TRDN: variants seen among roughly 807,000 people sequenced by gnomAD.
The protein encoded by TRDN is triadin, also known as triadin in skeletal muscle.
Under a neutral mutation model 149.7 loss-of-function variants are expected in TRDN, and 161 were observed. The observed-to-expected ratio is 1.08, with a 90% CI of 0.95 to 1.23. The LOEUF (loss-of-function observed/expected upper bound fraction) is 1.23, where lower values mean the gene tolerates loss of function less well. TRDN is among the 50% of genes most tolerant of loss of function. The probability of loss-of-function intolerance (pLI) is 0.00; values close to 1 mark genes in which losing one functional copy is unlikely to be tolerated. For missense variants in TRDN, 896 were observed against 823.5 expected, an observed-to-expected ratio of 1.09 and a Z score of -1.08; for synonymous variants, 294 against 250.5, an observed-to-expected ratio of 1.17 and a Z score of -1.64.
chr6:123,550,672 G>C (rs550043916), intron 2 of TRDN, among the ~76,000 whole-genome samples: 2 of 152,136 alleles, frequency 1.3e-5, no homozygotes, highest in Admixed American at 6.6e-5. Flanking sequence ...ATCTCATAGA[G>C]AGCGGAAAAA....
chr6:123,274,564 A>T, intron 27 of TRDN, 77 bp downstream of exon 27: 1 of 1,319,952 alleles, frequency 7.6e-7, no homozygotes. Context: ...CCCTAGTGAG[A>T]TGTAAGCCTC....
chr6:123,238,978 C>T (rs1775889082), intron 38 of TRDN, among the ~76,000 whole-genome samples: 1 of 152,078 alleles, frequency 6.6e-6, no homozygotes, highest in South Asian at 2.1e-4. Flanking sequence ...GTAGCTGGAA[C>T]TACAGGCACA....
At chr6:123,388,273 C>G (rs1219332342) in intron 14 of TRDN, among the ~76,000 whole-genome samples, 2 of 152,000 alleles carry the variant, frequency 1.3e-5, no homozygotes, top group Non-Finnish European at 2.9e-5. Context: ...AGAGTAGGAG[C>G]CCTAGGATTT....
intron 5 of TRDN, among the ~76,000 whole-genome samples, chr6:123,525,160 T>TATCTTA (rs1779882317): frequency 6.6e-6 from 1 of 151,888 alleles, no homozygotes; most frequent in African/African-American, 2.4e-5. Flanking sequence ...CTTAAAGAAG[T>TATCTTA]AAAAATAAAA....
chr6:123,322,988 T>C (rs531545354), intron 23 of TRDN, among the ~76,000 whole-genome samples: 300 of 152,250 alleles, frequency 2.0e-3, no homozygotes, highest in African/African-American at 6.8e-3. Flanking sequence ...ACAGGGAATA[T>C]GTCTTTTCAT....
chr6:123,292,698 C>A (rs191890898), intron 24 of TRDN, among the ~76,000 whole-genome samples: 1 of 152,228 alleles, frequency 6.6e-6, no homozygotes, highest in Admixed American at 6.5e-5. Flanking sequence ...TCAGGGAATA[C>A]CTAGCTGAGT....
chr6:123,381,054 G>T (rs1376655539), intron 16 of TRDN, among the ~76,000 whole-genome samples: 1 of 152,098 alleles, frequency 6.6e-6, no homozygotes, highest in Non-Finnish European at 1.5e-5. Context: ...CAACTAACCA[G>T]ATTAGGACTA....
chr6:123,474,606 A>G (rs994578862), intron 9 of TRDN, among the ~76,000 whole-genome samples: 1 of 152,270 alleles, frequency 6.6e-6, no homozygotes, highest in South Asian at 2.1e-4. Context: ...CTCCACCCCA[A>G]ATCAACAGAA....
chr6:123,264,676 A>AAAGC (rs35829652), intron 33 of TRDN, among the ~76,000 whole-genome samples: 3 of 3,980 alleles, frequency 7.5e-4, no homozygotes, highest in Admixed American at 3.8e-3. Context: ...ATCTTTTGTC[A>AAAGC]GTCAATCAAT....
At chr6:123,373,677 T>A (rs1253321755) in intron 19 of TRDN, among the ~76,000 whole-genome samples, 1 of 152,172 alleles carries the variant, frequency 6.6e-6, no homozygotes, top group African/African-American at 2.4e-5. Flanking sequence ...TTTAACCCTG[T>A]CAATCTCATC....
At chr6:123,612,048 CAA>C (rs1340062083) in intron 1 of TRDN, among the ~76,000 whole-genome samples, 1 of 151,530 alleles carries the variant, frequency 6.6e-6, no homozygotes, top group African/African-American at 2.4e-5. Flanking sequence ...TTCTACAAAA[CAA>C]AGAGTCTCTA....
At position 123,510,642 on chromosome 6, in the gene TRDN, CT is replaced by C. The variant is rs145396385; in HGVS notation, c.610+1660del. ...ATTGATCAAGATTTATGCATGACCACTTTTTTTTTTTTTTTTTTATTTAGAC... is the reference window on the plus strand; with the variant it reads ...ATTGATCAAGATTTATGCATGACCACTTTTTTTTTTTTTTTTTATTTAGAC... On this transcript the variant is annotated intron_variant, in intron 7 of 40. Transcript: ENST00000334268. Among the ~76,000 whole-genome samples the C allele has an allele frequency of 5.4e-3, 742 of 138,394 alleles. 21 individuals are homozygous for C. The East Asian group carries it at 0.11, about 20-fold the overall frequency. 90.8% of individuals were successfully genotyped at this position (138,394 alleles called of 152,430 possible).
chr6:123,513,699 T>C (rs935523949), intron 6 of TRDN, among the ~76,000 whole-genome samples: 4 of 152,114 alleles, frequency 2.6e-5, no homozygotes, highest in African/African-American at 9.7e-5. Flanking sequence ...ATTATTTAAC[T>C]GAAATTTTCT....
chr6:123,617,292 A>G (rs907921571), intron 1 of TRDN, among the ~76,000 whole-genome samples: 2 of 152,166 alleles, frequency 1.3e-5, no homozygotes, highest in Admixed American at 1.3e-4. Flanking sequence ...GATAATATGT[A>G]TTATATATTG....
chr6:123,272,117 G>A (rs1350362231), intron 29 of TRDN, among the ~76,000 whole-genome samples: 4 of 151,884 alleles, frequency 2.6e-5, no homozygotes, highest in Non-Finnish European at 5.9e-5. Flanking sequence ...TTTTTTAAAA[G>A]CATATGCAAA....
At chr6:123,491,395 G>T (rs1778211943) in intron 9 of TRDN, among the ~76,000 whole-genome samples, 1 of 152,134 alleles carries the variant, frequency 6.6e-6, no homozygotes, top group Non-Finnish European at 1.5e-5. Flanking sequence ...GTTTCTTTCT[G>T]AAGATATTTC....
At chr6:123,309,267 G>A (rs1778726136) in intron 24 of TRDN, among the ~76,000 whole-genome samples, 1 of 151,616 alleles carries the variant, frequency 6.6e-6, no homozygotes, top group African/African-American at 2.4e-5. Flanking sequence ...CTGCAACTTT[G>A]CCATCTTCTG....
intron 23 of TRDN, 64 bp downstream of exon 23, chr6:123,331,815 T>G (rs1779669268): frequency 9.2e-7 from 1 of 1,089,776 alleles, no homozygotes; most frequent in Non-Finnish European, 1.3e-6. Flanking sequence ...ATTACTTTGT[T>G]GCAAATAACT....
At chr6:123,348,378 C>T (rs1248370329) in intron 21 of TRDN, among the ~76,000 whole-genome samples, 1 of 152,034 alleles carries the variant, frequency 6.6e-6, no homozygotes, top group Admixed American at 6.6e-5. Context: ...TGCATTTTTA[C>T]ATAGGGCTGA....
Sources: allele counts gnomAD v4.1 joint callset (sites outside exome capture counted in the v4.1 genomes callset), GRCh38; gene constraint gnomAD v4.1.1; transcripts MANE v1.5; gene names NCBI Gene and HGNC (gene_info 2026-07-23, HGNC 2026-07-21).